The following CASK variants were observed in gnomAD, a reference collection of about 807,000 sequenced individuals.
The protein encoded by CASK is peripheral plasma membrane protein CASK.
Under a neutral mutation model 82.9 loss-of-function variants are expected in CASK, and 4 were observed. The observed-to-expected ratio is 0.05, with a 90% confidence interval of 0.02 to 0.11. The LOEUF (loss-of-function observed/expected upper bound fraction) is 0.11, where lower values mean the gene tolerates loss of function less well. Ranked by LOEUF, CASK falls within the 10% of genes least tolerant of loss-of-function variation. The pLI is 1.00. For synonymous variants in CASK, 259 were observed against 253.5 expected, an observed-to-expected ratio of 1.02 and a Z score of -0.20; for missense variants, 358 against 720.9, an observed-to-expected ratio of 0.50 and a Z score of 5.76.
chrX:41,536,981 T>C (rs905241759), intron 22 of CASK, among the ~76,000 whole-genome samples: 1 of 112,147 alleles, frequency 8.9e-6, no homozygotes, highest in Non-Finnish European at 1.9e-5. Flanking sequence ...TATGTTTTAA[T>C]ATATTTTAAT....
At chrX:41,572,021 A>G (rs2065418700) in intron 15 of CASK, among the ~76,000 whole-genome samples, 1 of 111,032 alleles carries the variant, frequency 9.0e-6, no homozygotes, top group Non-Finnish European at 1.9e-5. Context: ...TTTTGATATC[A>G]ATAAAGCTAC....
In CASK at chrX:41,691,674, T is replaced by C. The variant is rs757600135; in HGVS notation, c.430-20144A>G. Among the ~76,000 whole-genome samples the C allele has an allele frequency of 1.8e-3, 197 of 106,845 alleles. 2 individuals carry two copies. The highest frequency in any genetic ancestry group is 0.018 in the Admixed American group (177 of 9,870). 92.8% of individuals were successfully genotyped at this position (106,845 alleles called of 115,157 possible). ...GAGTTCAAGACCAGCCTGGCCAACATAGTGAAACTCCGTCTCTACTAAAAA... is the reference window on the plus strand; with the variant it reads ...GAGTTCAAGACCAGCCTGGCCAACACAGTGAAACTCCGTCTCTACTAAAAA... On this transcript the variant is annotated intron_variant, in intron 5 of 26. Transcript: ENST00000378163.
chrX:41,700,579 CTTT>C (rs71826128), intron 5 of CASK, among the ~76,000 whole-genome samples: 22 of 65,176 alleles, frequency 3.4e-4, no homozygotes, highest in Admixed American at 2.6e-3. Context: ...ACGTATATGA[CTTT>C]TTTTTTTTTT....
intron 2 of CASK, among the ~76,000 whole-genome samples, chrX:41,823,084 CT>C (rs2070585778): frequency 9.1e-6 from 1 of 109,328 alleles, no homozygotes; most frequent in Non-Finnish European, 1.9e-5. Context: ...TCTTATCTCT[CT>C]TAACCTGCTA....
intron 6 of CASK, among the ~76,000 whole-genome samples, chrX:41,668,169 T>C (rs1036868753): frequency 1.3e-4 from 15 of 111,510 alleles, no homozygotes; most frequent in African/African-American, 4.9e-4. Flanking sequence ...CAGTCTTTGA[T>C]GTAAGTCCCT....
intron 2 of CASK, among the ~76,000 whole-genome samples, chrX:41,800,294 C>T (rs1466560737): frequency 6.4e-5 from 7 of 109,849 alleles, no homozygotes; most frequent in Non-Finnish European, 3.8e-5. Flanking sequence ...TCCTCCTTCC[C>T]GGCAACACAA....
intron 5 of CASK, among the ~76,000 whole-genome samples, chrX:41,686,908 G>A (rs992455030): frequency 1.8e-5 from 2 of 111,870 alleles, no homozygotes; most frequent in African/African-American, 3.3e-5. Context: ...AAGAGGAAGC[G>A]TGAAGGGAAG....
intron 21 of CASK, among the ~76,000 whole-genome samples, chrX:41,543,981 T>A (rs1478190589): frequency 8.9e-6 from 1 of 112,398 alleles, no homozygotes; most frequent in Non-Finnish European, 1.9e-5. Context: ...ACTGATCATT[T>A]TTTCATATGT....
At chrX:41,671,997 C>T (rs1438905865) in intron 5 of CASK, among the ~76,000 whole-genome samples, 2 of 111,525 alleles carry the variant, frequency 1.8e-5, no homozygotes, top group Non-Finnish European at 3.8e-5. Context: ...CTTTCTCCAC[C>T]CTGCCCAGTC....
At chrX:41,612,681 C>A in intron 11 of CASK, among the ~76,000 whole-genome samples, 1 of 93,039 alleles carries the variant, frequency 1.1e-5, no homozygotes, top group South Asian at 5.9e-4. Flanking sequence ...GCCCGGCCAG[C>A]CGCCCCGTCC....
At chrX:41,529,267 C>T (rs2064762251) in intron 25 of CASK, among the ~76,000 whole-genome samples, 1 of 111,593 alleles carries the variant, frequency 9.0e-6, no homozygotes, top group Admixed American at 9.5e-5. Context: ...GTAAAAGTAA[C>T]TGCTGTGGGT....
At chrX:41,864,416 CA>C (rs2071551067) in intron 1 of CASK, among the ~76,000 whole-genome samples, 1 of 111,702 alleles carries the variant, frequency 9.0e-6, no homozygotes, top group African/African-American at 3.3e-5. Context: ...CCCCCGTACT[CA>C]TATTACACAT....
rs142589819 is a variant in CASK, at chrX:41,665,711, G to A, written c.533-259C>T. On this transcript the variant is annotated intron_variant, in intron 6 of 26. Coordinates refer to ENST00000378163, the MANE Select transcript of CASK (RefSeq NM_001367721.1). The stretch of plus-strand genomic sequence containing the variant: ...CTCCCTATTGAATTCTGCATGCTAC[G>A]TAGTAGGTATTTATGTGGTTCTTAC... 2.4e-3 allele frequency: 947 copies of A among 389,310 alleles called. 12 individuals carry two copies. Among genetic ancestry groups the A allele is most frequent in the African/African-American group, 0.022 (874 of 39,371 alleles). 32.1% of individuals were successfully genotyped at this position (389,310 alleles called of 1,213,427 possible). A position where few individuals can be genotyped will look rare whatever the true frequency, so the allele number is the denominator to read the frequency against.
chrX:41,860,921 T>C (rs183037838), intron 1 of CASK, among the ~76,000 whole-genome samples: 5 of 112,431 alleles, frequency 4.4e-5, no homozygotes, highest in East Asian at 2.8e-4. Flanking sequence ...GGGGGAGGTT[T>C]ATTTGAAACA....
chrX:41,814,011 A>G (rs2070361397), intron 2 of CASK, among the ~76,000 whole-genome samples: 1 of 112,522 alleles, frequency 8.9e-6, no homozygotes, highest in South Asian at 3.7e-4. Flanking sequence ...ATCACTGGCC[A>G]TCAGAGAAAT....
chrX:41,801,578 C>T (rs972828011), intron 2 of CASK, among the ~76,000 whole-genome samples: 7 of 111,691 alleles, frequency 6.3e-5, no homozygotes, highest in African/African-American at 9.8e-5. Context: ...GTAAGAAGCA[C>T]GCTGATATGC....
chrX:41,842,641 T>C (rs755421138), intron 2 of CASK, among the ~76,000 whole-genome samples: 1 of 111,533 alleles, frequency 9.0e-6, no homozygotes, highest in African/African-American at 3.3e-5. Context: ...TTCAGGATTG[T>C]TAAGGCTACT....
At chrX:41,893,323 G>C (rs1297125236) in intron 1 of CASK, among the ~76,000 whole-genome samples, 1 of 111,890 alleles carries the variant, frequency 8.9e-6, no homozygotes, top group African/African-American at 3.3e-5. Flanking sequence ...CATGGCCAGG[G>C]GCACTGTCAA....
intron 2 of CASK, among the ~76,000 whole-genome samples, chrX:41,809,239 T>C (rs931767831): frequency 1.2e-4 from 13 of 112,020 alleles, no homozygotes; most frequent in Middle Eastern, 4.6e-3. Context: ...TGGAAGACAG[T>C]AGTGGTTCTC....
Sources: gnomAD v4.1 joint callset for allele counts (sites outside exome capture counted in the v4.1 genomes callset) on GRCh38, gnomAD v4.1.1 for gene constraint, MANE v1.5 for transcripts, NCBI Gene and HGNC (gene_info 2026-07-23, HGNC 2026-07-21) for gene names.